ADGRL3: variants seen among roughly 807,000 people sequenced by gnomAD.
ADGRL3 encodes the protein adhesion G protein-coupled receptor L3.
ADGRL3 carries 62 observed loss-of-function variants against 153.5 expected under a neutral mutation model. The observed-to-expected ratio is 0.40, with a 90% CI of 0.33 to 0.50. ADGRL3 has a LOEUF of 0.50. ADGRL3 is among the 20% of genes least tolerant of loss of function. The probability of loss-of-function intolerance (pLI) is 0.47; values close to 1 mark genes in which losing one functional copy is unlikely to be tolerated. For synonymous variants in ADGRL3, 710 were observed against 672.5 expected (o/e 1.06, Z -0.86); for missense variants, 1,641 against 1,859.4 (o/e 0.88, Z 2.16).
intron 1 of ADGRL3, among the ~76,000 whole-genome samples, chr4:61,343,924 T>C (rs2151184722): frequency 6.6e-6 from 1 of 152,356 alleles, no homozygotes; most frequent in Non-Finnish European, 1.5e-5. Context: ...AATTTTGTGA[T>C]TCTATAACTT....
intron 4 of ADGRL3, among the ~76,000 whole-genome samples, chr4:61,547,490 C>A (rs143607354): frequency 6.6e-6 from 1 of 152,008 alleles, no homozygotes; most frequent in African/African-American, 2.4e-5. Context: ...TTAACTCCCA[C>A]TTTAAGTGAG....
At chr4:61,759,329 G>C (rs9759639) in intron 8 of ADGRL3, among the ~76,000 whole-genome samples, 14,814 of 151,898 alleles carry the variant, frequency 0.098, 1,341 homozygotes, top group African/African-American at 0.23. Context: ...TAGATTTGGT[G>C]TTTTCACATA....
At chr4:61,469,443 T>G (rs139481057) in intron 2 of ADGRL3, among the ~76,000 whole-genome samples, 1 of 152,180 alleles carries the variant, frequency 6.6e-6, no homozygotes, top group Non-Finnish European at 1.5e-5. Context: ...GTTAATAAGC[T>G]CTCATGACCC....
chr4:61,207,620 C>T (rs552901133), intron 1 of ADGRL3, among the ~76,000 whole-genome samples: 15 of 152,234 alleles, frequency 9.9e-5, no homozygotes, highest in South Asian at 2.1e-4. Flanking sequence ...TGAGGAATCA[C>T]GACACCATCT....
At chr4:61,642,414 G>GT (rs1362939572) in intron 5 of ADGRL3, among the ~76,000 whole-genome samples, 1 of 152,138 alleles carries the variant, frequency 6.6e-6, no homozygotes, top group Non-Finnish European at 1.5e-5. Flanking sequence ...GGTTTTTATG[G>GT]TTTTAGGTCC....
chr4:61,833,027 G>A (rs909648001), intron 9 of ADGRL3, among the ~76,000 whole-genome samples: 7 of 151,822 alleles, frequency 4.6e-5, no homozygotes, highest in African/African-American at 7.3e-5. Flanking sequence ...GAGGATTTTC[G>A]TGTGAAAATA....
At chr4:61,884,409 G>T (rs977820276) in intron 9 of ADGRL3, among the ~76,000 whole-genome samples, 1 of 152,104 alleles carries the variant, frequency 6.6e-6, no homozygotes, top group African/African-American at 2.4e-5. Flanking sequence ...AAATGCCAGA[G>T]ATTATTTCAC....
intron 2 of ADGRL3, among the ~76,000 whole-genome samples, chr4:61,389,726 A>G (rs1051056646): frequency 3.3e-5 from 5 of 152,210 alleles, no homozygotes; most frequent in Non-Finnish European, 5.9e-5. Flanking sequence ...TTAATTATTC[A>G]GACAGTCATT....
chr4:61,860,018 T>C (rs1395635034), intron 9 of ADGRL3, among the ~76,000 whole-genome samples: 1 of 152,156 alleles, frequency 6.6e-6, no homozygotes, highest in African/African-American at 2.4e-5. Flanking sequence ...AAAATCCTTA[T>C]ACTCACCTGA....
chr4:61,621,191 T>C (rs2149834960), intron 5 of ADGRL3, among the ~76,000 whole-genome samples: 1 of 152,280 alleles, frequency 6.6e-6, no homozygotes, highest in Non-Finnish European at 1.5e-5. Context: ...CATTTCTTAC[T>C]TTCTTTTTTC....
intron 8 of ADGRL3, among the ~76,000 whole-genome samples, chr4:61,764,223 T>C (rs1284694932): frequency 6.6e-6 from 1 of 152,158 alleles, no homozygotes; most frequent in Non-Finnish European, 1.5e-5. Flanking sequence ...AGTTTTCATG[T>C]GCGTCCGTGT....
chr4:62,067,745 A>T (rs1444539488), intron 25 of ADGRL3, among the ~76,000 whole-genome samples: 5 of 152,088 alleles, frequency 3.3e-5, no homozygotes. Flanking sequence ...TTACTGAAAA[A>T]ATTTAAAATT....
intron 1 of ADGRL3, among the ~76,000 whole-genome samples, chr4:61,354,091 G>A (rs1437016166): frequency 6.6e-6 from 1 of 152,060 alleles, no homozygotes; most frequent in East Asian, 1.9e-4. Context: ...TATGTTCCGT[G>A]TATTACCTCA....
chr4:61,548,204 G>C (rs1478447833), intron 4 of ADGRL3, among the ~76,000 whole-genome samples: 3 of 152,004 alleles, frequency 2.0e-5, no homozygotes, highest in Non-Finnish European at 4.4e-5. Flanking sequence ...TGCATAGTTT[G>C]CATGTTTTTT....
At chr4:61,409,203 T>G (rs1165015069) in intron 2 of ADGRL3, among the ~76,000 whole-genome samples, 1 of 144,780 alleles carries the variant, frequency 6.9e-6, no homozygotes, top group Non-Finnish European at 1.5e-5. Flanking sequence ...ATATATTATA[T>G]ATATTAGACA....
chr4:61,924,528 A>T (rs572153664), intron 13 of ADGRL3, among the ~76,000 whole-genome samples: 2 of 152,294 alleles, frequency 1.3e-5, no homozygotes, highest in South Asian at 4.1e-4. Context: ...CAAACTTTCC[A>T]TATCTGTAAC....
intron 9 of ADGRL3, among the ~76,000 whole-genome samples, chr4:61,869,566 CCG>C (rs1411643086): frequency 6.6e-6 from 1 of 151,818 alleles, no homozygotes; most frequent in Non-Finnish European, 1.5e-5. Flanking sequence ...CCACTGCAGT[CCG>C]CAGTCTGGCC....
At chr4:61,856,159 G>A (rs2098261366) in intron 9 of ADGRL3, among the ~76,000 whole-genome samples, 1 of 152,032 alleles carries the variant, frequency 6.6e-6, no homozygotes, top group Non-Finnish European at 1.5e-5. Context: ...CTTGAATCCA[G>A]GACTTGGAGA....
At chr4:61,432,406 A>G (rs749828694) in intron 2 of ADGRL3, among the ~76,000 whole-genome samples, 4 of 152,166 alleles carry the variant, frequency 2.6e-5, no homozygotes, top group Non-Finnish European at 5.9e-5. Flanking sequence ...AGTAAAAATT[A>G]CATTGTATTC....
Sources: allele counts gnomAD v4.1 joint callset (sites outside exome capture counted in the v4.1 genomes callset), GRCh38; gene constraint gnomAD v4.1.1; transcripts MANE v1.5; gene names NCBI Gene and HGNC (gene_info 2026-07-23, HGNC 2026-07-21).